The following SH3D19 variants were observed in gnomAD, a reference collection of about 807,000 sequenced individuals.
SH3D19 encodes SH3 domain containing 19, also known as SH3 domain-containing protein 19.
Under a neutral mutation model 112.1 loss-of-function variants are expected in SH3D19, and 58 were observed. That is an observed-to-expected ratio of 0.52 (90% CI 0.42 to 0.64). The LOEUF is 0.64. Ranked by LOEUF, SH3D19 falls within the 30% of genes least tolerant of loss-of-function variation. The pLI is 0.00. For synonymous variants in SH3D19, 391 were observed against 448.5 expected (o/e 0.87, Z 1.62); for missense variants, 1,090 against 1,263.4 (o/e 0.86, Z 2.08).
chr4:151,148,068 G>A lies in SH3D19; in HGVS notation c.1936C>T (p.Arg646Ter). Residue 646 changes from arginine (R) to a stop codon, truncating the protein, a stop_gained, in exon 11 of 20, where the codon CGA becomes TGA. Transcript: ENST00000604030. LOFTEE classifies it high-confidence loss of function. ...TGAAGATCCATGTCAGAAGAGGATC[G>A]ATTAAAAGGCAGTTTCTTATTAGAT... ...RRSNKKLPFN[R>*]SSSDMDLQKK... 5 of 1,614,092 alleles carry A rather than the reference G, an allele frequency of 3.1e-6. No homozygotes were observed. The highest frequency in any genetic ancestry group is 2.5e-6 in the Non-Finnish European group (3 of 1,180,016).
intron 1 of SH3D19, among the ~76,000 whole-genome samples, chr4:151,287,049 TAAA>T: frequency 6.7e-6 from 1 of 150,100 alleles, no homozygotes; most frequent in Non-Finnish European, 1.5e-5. Context: ...TTTTGAAAAA[TAAA>T]AGAGGGGACT....
intron 7 of SH3D19, chr4:151,170,822 A>G (rs954627864): frequency 1.3e-5 from 2 of 152,248 alleles, no homozygotes; most frequent in South Asian, 4.1e-4. Flanking sequence ...AAATGCATAC[A>G]GTGAAAACCA....
At chr4:151,187,054 A>G (rs901809996) in intron 3 of SH3D19, among the ~76,000 whole-genome samples, 1 of 152,050 alleles carries the variant, frequency 6.6e-6, no homozygotes, top group Non-Finnish European at 1.5e-5. Context: ...TTGGCCTCCC[A>G]AAGTGCTGGG....
chr4:151,304,861 C>T (rs1193044082), intron 1 of SH3D19, among the ~76,000 whole-genome samples: 2 of 152,058 alleles, frequency 1.3e-5, no homozygotes, highest in Non-Finnish European at 2.9e-5. Context: ...GAAGTAAAGG[C>T]AAAGCAGACT....
chr4:151,148,600 G>C (rs1754369014), intron 10 of SH3D19, among the ~76,000 whole-genome samples: 1 of 152,122 alleles, frequency 6.6e-6, no homozygotes, highest in Non-Finnish European at 1.5e-5. Context: ...TCTTGTACAT[G>C]ATTAGAAAAG....
intron 1 of SH3D19, among the ~76,000 whole-genome samples, chr4:151,275,367 G>T (rs921483008): frequency 3.9e-5 from 6 of 152,150 alleles, no homozygotes; most frequent in African/African-American, 1.2e-4. Context: ...GATTACAGGC[G>T]TGAGCCACCA....
intron 2 of SH3D19, among the ~76,000 whole-genome samples, chr4:151,200,100 C>A (rs1184588402): frequency 6.6e-6 from 1 of 152,170 alleles, no homozygotes; most frequent in Non-Finnish European, 1.5e-5. Context: ...GACAGGGAGT[C>A]TGCTGGTGTC....
At chr4:151,226,861 T>C (rs1260970749) in intron 1 of SH3D19, among the ~76,000 whole-genome samples, 1 of 152,188 alleles carries the variant, frequency 6.6e-6, no homozygotes, top group Non-Finnish European at 1.5e-5. Context: ...TGCTGTAACA[T>C]GCTATTAATC....
chr4:151,160,539 G>A (rs1756975212), intron 8 of SH3D19, among the ~76,000 whole-genome samples: 1 of 152,188 alleles, frequency 6.6e-6, no homozygotes, highest in South Asian at 2.1e-4. Context: ...CCAAATTAGT[G>A]ACAGCTAATT....
chr4:151,284,840 C>G (rs1774587217), intron 1 of SH3D19, among the ~76,000 whole-genome samples: 1 of 152,186 alleles, frequency 6.6e-6, no homozygotes, highest in African/African-American at 2.4e-5. Flanking sequence ...TTAGCCTTAG[C>G]TGAGCTGCTT....
At chr4:151,180,041 C>A (rs935408745) in intron 3 of SH3D19, among the ~76,000 whole-genome samples, 2 of 152,084 alleles carry the variant, frequency 1.3e-5, no homozygotes, top group African/African-American at 2.4e-5. Flanking sequence ...TGACACCATG[C>A]CTTGGTAATT....
At chr4:151,125,407 A>G (rs1748986124) in intron 19 of SH3D19, among the ~76,000 whole-genome samples, 2 of 151,718 alleles carry the variant, frequency 1.3e-5, no homozygotes, top group Admixed American at 6.6e-5. Context: ...GAGGCTGCAC[A>G]GTGAACTGAG....
At chr4:151,161,644 T>TTA (rs58967463) in intron 8 of SH3D19, among the ~76,000 whole-genome samples, 15,119 of 148,464 alleles carry the variant, frequency 0.1, 1,050 homozygotes, top group East Asian at 0.25. Flanking sequence ...ATATATATTT[T>TTA]AATTATACTT....
intron 1 of SH3D19, among the ~76,000 whole-genome samples, chr4:151,248,590 T>G (rs1771121856): frequency 6.6e-6 from 1 of 152,226 alleles, no homozygotes; most frequent in African/African-American, 2.4e-5. Flanking sequence ...GTAGCATTTT[T>G]AGATCTAAGA....
At chr4:151,215,679 T>C (rs1002623179) in intron 2 of SH3D19, among the ~76,000 whole-genome samples, 1 of 152,174 alleles carries the variant, frequency 6.6e-6, no homozygotes, top group African/African-American at 2.4e-5. Context: ...ACAACTAAAA[T>C]GAGATTAGAA....
chr4:151,306,843 G>A (rs1580457091), intron 1 of SH3D19, among the ~76,000 whole-genome samples: 1 of 152,094 alleles, frequency 6.6e-6, no homozygotes, highest in African/African-American at 2.4e-5. Context: ...CTCATGAAAC[G>A]TCAGCAACAC....
Position 151,128,293 on chromosome 4 carries a change from C to A in SH3D19, c.2806G>T (p.Asp936Tyr). 6.2e-7 allele frequency: 1 copy of A among 1,614,158 alleles called. No homozygotes were observed. The highest frequency in any genetic ancestry group is 1.1e-5 in the South Asian group (1 of 91,072). Residue 936 changes from aspartate to tyrosine, a missense_variant, in exon 18 of 20, where the codon GAC (aspartate) becomes TAC (tyrosine). Asp to Tyr is a radical substitution (Grantham distance 160). Transcript: ENST00000604030. Reference sequence around the variant, plus strand: ...CGGTCTCCCCTCTTGAATGATAAGTCATCACTGGTCTCTGCTGTAAAACTG... The same window carrying A: ...CGGTCTCCCCTCTTGAATGATAAGTAATCACTGGTCTCTGCTGTAAAACTG... ...LHSFTAETSDDLSFKRGDRIQ... is the reference protein window; with the variant it reads ...LHSFTAETSDYLSFKRGDRIQ...
At chr4:151,150,242 T>C (rs1466519333) in intron 9 of SH3D19, among the ~76,000 whole-genome samples, 4 of 45,052 alleles carry the variant, frequency 8.9e-5, no homozygotes, top group East Asian at 5.7e-4. Flanking sequence ...CACACACATA[T>C]ATATATATAC....
chr4:151,243,835 T>C (rs567880243), intron 1 of SH3D19, among the ~76,000 whole-genome samples: 36 of 152,370 alleles, frequency 2.4e-4, no homozygotes, highest in African/African-American at 7.9e-4. Flanking sequence ...GACTGAGTAC[T>C]GCAGTTTGAG....
Sources: gnomAD v4.1 joint callset for allele counts (sites outside exome capture counted in the v4.1 genomes callset) on GRCh38, gnomAD v4.1.1 for gene constraint, MANE v1.5 for transcripts, NCBI Gene and HGNC (gene_info 2026-07-23, HGNC 2026-07-21) for gene names.